Variants in LPP observed in about 807,000 individuals in gnomAD.
LPP encodes lipoma-preferred partner.
A neutral mutation model predicts 60.4 loss-of-function variants in LPP; 38 were observed. The ratio of observed to expected loss-of-function variants is 0.63; its 90% CI spans 0.49 to 0.83. The LOEUF (loss-of-function observed/expected upper bound fraction) is 0.83, where lower values mean the gene tolerates loss of function less well. Among genes scored for constraint, LPP ranks in the 40% least tolerant of loss-of-function variants. The pLI is 0.00. For missense variants in LPP, 902 were observed against 783.6 expected, an observed-to-expected ratio of 1.15 and a Z score of -1.80; for synonymous variants, 328 against 290.8, an observed-to-expected ratio of 1.13 and a Z score of -1.30.
intron 2 of LPP, among the ~76,000 whole-genome samples, chr3:188,287,282 G>A (rs944624534): frequency 3.3e-5 from 5 of 152,216 alleles, no homozygotes; most frequent in African/African-American, 4.8e-5. Context: ...CATGGATACT[G>A]GGGCTTGCCA....
chr3:188,604,476 C>T (rs1842030904), intron 6 of LPP, among the ~76,000 whole-genome samples: 1 of 152,056 alleles, frequency 6.6e-6, no homozygotes, highest in African/African-American at 2.4e-5. Flanking sequence ...ACAAGTACCT[C>T]AAAGTCTTCC....
intron 2 of LPP, among the ~76,000 whole-genome samples, chr3:188,239,075 TG>T (rs879709215): frequency 6.6e-6 from 1 of 152,198 alleles, no homozygotes; most frequent in Non-Finnish European, 1.5e-5. Flanking sequence ...CTCTAAGAGA[TG>T]GGGGCACTGG....
intron 8 of LPP, among the ~76,000 whole-genome samples, chr3:188,753,904 A>C (rs1729137764): frequency 6.6e-6 from 1 of 152,232 alleles, no homozygotes; most frequent in Admixed American, 6.5e-5. Context: ...AATCAGATAT[A>C]CACAAGCACA....
intron 1 of LPP, among the ~76,000 whole-genome samples, chr3:188,219,352 G>T (rs372228719): frequency 6.6e-6 from 1 of 152,130 alleles, no homozygotes; most frequent in Non-Finnish European, 1.5e-5. Flanking sequence ...GGGTACCTGT[G>T]CTCTAGCCGG....
At chr3:188,765,753 G>A (rs1205397945) in intron 9 of LPP, among the ~76,000 whole-genome samples, 1 of 151,390 alleles carries the variant, frequency 6.6e-6, no homozygotes, top group African/African-American at 2.4e-5. Flanking sequence ...TGTTGCCCAG[G>A]CTGAACTCAA....
intron 1 of LPP, among the ~76,000 whole-genome samples, chr3:188,162,985 G>C (rs1718773019): frequency 6.6e-6 from 1 of 152,154 alleles, no homozygotes; most frequent in Non-Finnish European, 1.5e-5. Context: ...CCACAGTTGA[G>C]TATAGTGTGC....
chr3:188,211,363 G>A lies in LPP; in HGVS notation c.-189-14042G>A, dbSNP rs957996805. On this transcript the variant is annotated intron_variant, in intron 1 of 11. Coordinates refer to ENST00000617246, the MANE Select transcript of LPP (RefSeq NM_001375462.1). ...AGTCCAAAGCCAGGAAATGGGTGAC[G>A]ATTTTGAAAAAGGACTCATCTGACC... Among the ~76,000 whole-genome samples the A allele has an allele frequency of 6.6e-5, 10 of 151,986 alleles. 1 individual carries two copies. Among genetic ancestry groups the A allele is most frequent in the East Asian group, 1.9e-4 (1 of 5,178 alleles).
intron 5 of LPP, among the ~76,000 whole-genome samples, chr3:188,522,870 T>G (rs1819351996): frequency 7.0e-6 from 1 of 143,410 alleles, no homozygotes; most frequent in African/African-American, 2.7e-5. Flanking sequence ...TATATATATA[T>G]GTTTGAGACA....
chr3:188,240,184 T>C lies in LPP; in HGVS notation c.-67+14657T>C, dbSNP rs146910763. 1,297 of 182,270 alleles carry C rather than the reference T, an allele frequency of 7.1e-3. 25 individuals carry two copies. Among genetic ancestry groups the C allele is most frequent in the African/African-American group, 0.029 (1,246 of 42,620 alleles). 11.3% of individuals were successfully genotyped at this position (182,270 alleles called of 1,614,324 possible). ...CAAGGTGGGGTTTATGTGTAAATGA[T>C]ATCTGTGTGTTTCATTTTCCTTTCA... On this transcript the variant is annotated intron_variant, in intron 2 of 11. Coordinates refer to ENST00000617246, the MANE Select transcript of LPP (RefSeq NM_001375462.1).
chr3:188,438,454 T>C (rs746094555), intron 4 of LPP, among the ~76,000 whole-genome samples: 9 of 151,568 alleles, frequency 5.9e-5, no homozygotes, highest in Non-Finnish European at 1.3e-4. Flanking sequence ...TAATATCCAT[T>C]TTCTGGATGA....
chr3:188,209,590 C>T (rs1379048663), intron 1 of LPP, among the ~76,000 whole-genome samples: 1 of 152,072 alleles, frequency 6.6e-6, no homozygotes, highest in Non-Finnish European at 1.5e-5. Flanking sequence ...CTTAATGTTG[C>T]TTGGAATAGC....
chr3:188,828,656 C>T (rs948739928), intron 9 of LPP, among the ~76,000 whole-genome samples: 1 of 142,826 alleles, frequency 7.0e-6, no homozygotes, highest in African/African-American at 2.6e-5. Context: ...CTGCATCCTT[C>T]CCAGTCATGT....
At chr3:188,525,086 C>T (rs1820208505) in intron 6 of LPP, among the ~76,000 whole-genome samples, 2 of 151,828 alleles carry the variant, frequency 1.3e-5, no homozygotes, top group Non-Finnish European at 2.9e-5. Flanking sequence ...CCTGCATCAG[C>T]CTCCTGAGTA....
chr3:188,234,671 T>C (rs1219201814), intron 2 of LPP, among the ~76,000 whole-genome samples: 1 of 152,136 alleles, frequency 6.6e-6, no homozygotes, highest in Non-Finnish European at 1.5e-5. Context: ...CTGTGGGAGA[T>C]GAAAAGCTAG....
At chr3:188,172,647 T>C (rs9989991) in intron 1 of LPP, among the ~76,000 whole-genome samples, 65,020 of 152,004 alleles carry the variant, frequency 0.43, 14,369 homozygotes, top group Non-Finnish European at 0.49. Context: ...CAGGGAATTT[T>C]CATATACTAC....
At chr3:188,395,284 T>G (rs1780649675) in intron 3 of LPP, among the ~76,000 whole-genome samples, 1 of 152,182 alleles carries the variant, frequency 6.6e-6, no homozygotes, top group Admixed American at 6.6e-5. Flanking sequence ...AGTGGCATGA[T>G]CGTGGCTCAC....
intron 3 of LPP, among the ~76,000 whole-genome samples, chr3:188,359,443 T>A (rs1282608529): frequency 6.6e-6 from 1 of 152,112 alleles, no homozygotes; most frequent in African/African-American, 2.4e-5. Flanking sequence ...GGAGAAAACA[T>A]GGTTAAAGTC....
chr3:188,322,576 G>A (rs1272099692), intron 2 of LPP, among the ~76,000 whole-genome samples: 3 of 152,144 alleles, frequency 2.0e-5, no homozygotes, highest in Non-Finnish European at 4.4e-5. Flanking sequence ...AGGCCTTTTG[G>A]TTATATACGG....
At chr3:188,186,489 A>G (rs1402854310) in intron 1 of LPP, among the ~76,000 whole-genome samples, 7 of 152,148 alleles carry the variant, frequency 4.6e-5, no homozygotes, top group Admixed American at 4.6e-4. Context: ...ACATCTTGTA[A>G]TGGTTTTCCC....
Sources: gnomAD v4.1 joint callset for allele counts (sites outside exome capture counted in the v4.1 genomes callset) on GRCh38, gnomAD v4.1.1 for gene constraint, MANE v1.5 for transcripts, NCBI Gene and HGNC (gene_info 2026-07-23, HGNC 2026-07-21) for gene names.